The following SNX29 variants were observed in gnomAD, a reference collection of about 807,000 sequenced individuals.
The protein encoded by SNX29 is sorting nexin-29.
Under a neutral mutation model 102.1 loss-of-function variants are expected in SNX29, and 78 were observed. The ratio of observed to expected loss-of-function variants is 0.76; its 90% CI spans 0.64 to 0.92. The LOEUF is 0.92. Ranked by LOEUF, SNX29 falls within the 40% of genes least tolerant of loss-of-function variation. SNX29 has a pLI of 0.00. For synonymous variants in SNX29, 580 were observed against 414.5 expected, an observed-to-expected ratio of 1.40 and a Z score of -4.85; for missense variants, 1,280 against 1,061.7, an observed-to-expected ratio of 1.21 and a Z score of -2.86.
chr16:12,244,924 C>T (rs1445674268), intron 14 of SNX29, among the ~76,000 whole-genome samples: 1 of 152,140 alleles, frequency 6.6e-6, no homozygotes, highest in South Asian at 2.1e-4. Context: ...TTTCTCCTTT[C>T]AGATTTGTTT....
intron 1 of SNX29, among the ~76,000 whole-genome samples, chr16:11,993,672 A>C (rs1317167296): frequency 6.6e-6 from 1 of 152,098 alleles, no homozygotes; most frequent in Non-Finnish European, 1.5e-5. Flanking sequence ...ATTCTAACCC[A>C]CACTATCCTG....
Position 12,572,941 on chromosome 16 carries a change from C to G in SNX29, c.*4312C>G, listed in dbSNP as rs1463012667. ...TGGAGTGTTTCTTCAAGGCAGGCATCTGCTTATGAGCAAGGTCAAAGATTT... is the reference window on the plus strand; with the variant it reads ...TGGAGTGTTTCTTCAAGGCAGGCATGTGCTTATGAGCAAGGTCAAAGATTT... On this transcript the variant is annotated 3_prime_UTR_variant, in exon 21 of 21. Transcript: ENST00000566228. The G allele has an allele frequency of 2.6e-6, 2 of 777,222 alleles. No individual in the cohort carries two copies. Among genetic ancestry groups the G allele is most frequent in the South Asian group, 6.2e-5 (1 of 16,236 alleles). 48.1% of individuals were successfully genotyped at this position (777,222 alleles called of 1,614,324 possible). A position where few individuals can be genotyped will look rare whatever the true frequency, so the allele number is the denominator to read the frequency against.
intron 14 of SNX29, among the ~76,000 whole-genome samples, chr16:12,263,329 T>C (rs187090643): frequency 2.0e-5 from 3 of 152,280 alleles, no homozygotes; most frequent in South Asian, 2.1e-4. Context: ...GGTTCTGCCA[T>C]GTTGGCCAGG....
At chr16:12,417,504 T>C (rs1444753207) in intron 18 of SNX29, among the ~76,000 whole-genome samples, 1 of 152,200 alleles carries the variant, frequency 6.6e-6, no homozygotes, top group Non-Finnish European at 1.5e-5. Context: ...TCCTTCTCTT[T>C]GCTCCCCGCT....
chr16:12,159,518 A>C (rs2055693577), intron 13 of SNX29, among the ~76,000 whole-genome samples: 1 of 152,184 alleles, frequency 6.6e-6, no homozygotes, highest in Non-Finnish European at 1.5e-5. Context: ...TCCATGGACC[A>C]CATCTGCATA....
At chr16:12,495,429 T>C (rs2088773633) in intron 19 of SNX29, among the ~76,000 whole-genome samples, 1 of 152,196 alleles carries the variant, frequency 6.6e-6, no homozygotes, top group African/African-American at 2.4e-5. Flanking sequence ...ATTACAGGTG[T>C]GAGCCACCAT....
chr16:12,296,877 A>T (rs1047058424), intron 15 of SNX29, among the ~76,000 whole-genome samples: 15 of 152,188 alleles, frequency 9.9e-5, no homozygotes, highest in African/African-American at 3.6e-4. Flanking sequence ...AGGGTTCTCA[A>T]CCCCAACACT....
chr16:12,162,185 G>C (rs9930975), intron 13 of SNX29, among the ~76,000 whole-genome samples: 15,571 of 152,106 alleles, frequency 0.1, 921 homozygotes, highest in East Asian at 0.2. Flanking sequence ...TCTTCCCTCA[G>C]ATCTCAGCAC....
chr16:12,449,701 C>G (rs903037510), intron 18 of SNX29, among the ~76,000 whole-genome samples: 1 of 152,198 alleles, frequency 6.6e-6, no homozygotes, highest in Non-Finnish European at 1.5e-5. Context: ...CAGGTTGCAT[C>G]CAGGCCTGTC....
Position 12,572,824 on chromosome 16 carries a change from C to T in SNX29, c.*4195C>T. 1.0e-5 allele frequency: 11 copies of T among 1,063,962 alleles called. No individual in the cohort carries two copies. The highest frequency in any genetic ancestry group is 5.0e-5 in the East Asian group (1 of 19,940). 65.9% of individuals were successfully genotyped at this position (1,063,962 alleles called of 1,614,324 possible). A position where few individuals can be genotyped will look rare whatever the true frequency, so the allele number is the denominator to read the frequency against. On this transcript the variant is annotated 3_prime_UTR_variant, in exon 21 of 21. Transcript: ENST00000566228. The stretch of plus-strand genomic sequence containing the variant: ...ACATCAGACTGGTTAGGAGGCATCC[C>T]AGAAGGGGCAGCCTCATGCCCAGGT...
At chr16:12,075,896 G>A (rs930886775) in intron 10 of SNX29, among the ~76,000 whole-genome samples, 16 of 152,220 alleles carry the variant, frequency 1.1e-4, no homozygotes, top group Non-Finnish European at 2.4e-4. Context: ...CAGCCTCGCT[G>A]CCGCCTTGCA....
At chr16:12,228,845 C>G (rs563854163) in intron 14 of SNX29, among the ~76,000 whole-genome samples, 2 of 152,224 alleles carry the variant, frequency 1.3e-5, no homozygotes, top group South Asian at 2.1e-4. Flanking sequence ...GGCCACATGG[C>G]GAGTCAAGAG....
chr16:12,285,130 T>G (rs544632245), intron 15 of SNX29, among the ~76,000 whole-genome samples: 1 of 152,364 alleles, frequency 6.6e-6, no homozygotes, highest in East Asian at 1.9e-4. Context: ...TTACCAGCGG[T>G]GCTCTCACTT....
chr16:12,048,395 A>C lies in SNX29; in HGVS notation c.523A>C (p.Ile175Leu), dbSNP rs753335774. ...AAGLNSILFA[I>L]NIDNKDLNGQ... is the part of the protein sequence containing the mutation. The stretch of plus-strand genomic sequence containing the variant: ...AGGTCTGAACTCCATACTCTTTGCG[A>C]TTAACATCGACAACAAGGATTTGAA... Residue 175 changes from isoleucine to leucine, a missense_variant, in exon 7 of 21, where the codon ATT (isoleucine) becomes CTT (leucine). Physicochemically the swap from Ile to Leu is conservative, Grantham distance 5. Coordinates refer to ENST00000566228, the MANE Select transcript of SNX29 (RefSeq NM_032167.5). The C allele has an allele frequency of 6.2e-7, 1 of 1,613,754 alleles. No homozygotes were observed. The highest frequency in any genetic ancestry group is 1.7e-5 in the Admixed American group (1 of 59,978).
intron 20 of SNX29, among the ~76,000 whole-genome samples, chr16:12,532,917 C>A (rs1369845789): frequency 6.6e-6 from 1 of 152,244 alleles, no homozygotes; most frequent in Non-Finnish European, 1.5e-5. Flanking sequence ...TTAAGAACAG[C>A]AGGCCGTCCT....
intron 3 of SNX29, among the ~76,000 whole-genome samples, chr16:12,022,627 C>G (rs376359127): frequency 2.0e-4 from 30 of 152,306 alleles, no homozygotes; most frequent in Middle Eastern, 6.8e-3. Context: ...AATTTCAACT[C>G]CAGCCTTAGA....
chr16:12,165,546 A>G (rs1364492082), intron 13 of SNX29, among the ~76,000 whole-genome samples: 1 of 152,194 alleles, frequency 6.6e-6, no homozygotes, highest in Non-Finnish European at 1.5e-5. Flanking sequence ...CAAATATTAA[A>G]TATAAACTTT....
At chr16:12,532,395 C>T (rs1169484836) in intron 20 of SNX29, among the ~76,000 whole-genome samples, 1 of 152,192 alleles carries the variant, frequency 6.6e-6, no homozygotes, top group Non-Finnish European at 1.5e-5. Context: ...TTGTGTTTCC[C>T]AGCGTTTGTA....
chr16:12,395,187 G>T (rs1214557334), intron 16 of SNX29, among the ~76,000 whole-genome samples: 5 of 152,082 alleles, frequency 3.3e-5, no homozygotes, highest in African/African-American at 1.2e-4. Flanking sequence ...AGAACCTCTA[G>T]TGTCTTCCCA....
Sources: gnomAD v4.1 joint callset for allele counts (sites outside exome capture counted in the v4.1 genomes callset) on GRCh38, gnomAD v4.1.1 for gene constraint, MANE v1.5 for transcripts, NCBI Gene and HGNC (gene_info 2026-07-23, HGNC 2026-07-21) for gene names.